The following CNTN6 variants were observed in gnomAD, a reference collection of about 807,000 sequenced individuals.
CNTN6 encodes contactin 6.
A neutral mutation model predicts 122.8 loss-of-function variants in CNTN6; 137 were observed. That is an observed-to-expected ratio of 1.12 (90% CI 0.97 to 1.29). CNTN6 has a LOEUF of 1.29. Ranked by LOEUF, CNTN6 falls within the 50% of genes most tolerant of loss-of-function variation. The probability of loss-of-function intolerance (pLI) is 0.00; values close to 1 mark genes in which losing one functional copy is unlikely to be tolerated. For synonymous variants in CNTN6, 570 were observed against 426.0 expected (o/e 1.34, Z -4.16); for missense variants, 1,634 against 1,223.4 (o/e 1.34, Z -5.01).
rs145444543 is a variant in CNTN6 at position 1,237,037 on chromosome 3, C to T, written c.358+9044C>T. On this transcript the variant is annotated intron_variant, in intron 4 of 22. Transcript: ENST00000446702. ...CAGAGCTTGCAGTGAGCTGTGATCA[C>T]GCCACTGCACTCCAGCCTGGGCAAC... 2.5e-3 allele frequency among the ~76,000 whole-genome samples: 380 copies of T among 151,614 alleles called. 2 individuals are homozygous for T. Among genetic ancestry groups the T allele is most frequent in the African/African-American group, 8.8e-3 (365 of 41,332 alleles).
chr3:1,337,418 T>C (rs970091079), intron 11 of CNTN6, among the ~76,000 whole-genome samples: 5 of 152,118 alleles, frequency 3.3e-5, no homozygotes, highest in African/African-American at 1.2e-4. Context: ...TCAGTCTTAA[T>C]AAAATATCTC....
chr3:1,378,508 C>T (rs923906183), intron 17 of CNTN6, among the ~76,000 whole-genome samples: 3 of 152,054 alleles, frequency 2.0e-5, no homozygotes, highest in African/African-American at 4.8e-5. Flanking sequence ...ACATTATAGG[C>T]CTAGCACAGT....
Position 1,297,926 on chromosome 3 carries a change from T to C in CNTN6, c.696T>C (p.Arg232=). The change falls in exon 7 of 23, where the codon CGT becomes CGC. Residue 232 remains arginine (R), a synonymous_variant. Coordinates refer to ENST00000446702, the MANE Select transcript of CNTN6 (RefSeq NM_001289080.2). ...AATATGAACCAAAGATTGAAGTGCG[T>C]TTTCCTGAAACTATACAAGCTGCAA... is the stretch of plus-strand genomic sequence containing the variant. ...MGEYEPKIEV[R]FPETIQAAKD... 6.2e-7 allele frequency: 1 copy of C among 1,612,914 alleles called. No homozygotes were observed. Among genetic ancestry groups the C allele is most frequent in the Non-Finnish European group, 8.5e-7 (1 of 1,179,598 alleles).
intron 11 of CNTN6, among the ~76,000 whole-genome samples, chr3:1,333,639 T>C (rs771776700): frequency 6.6e-6 from 1 of 152,078 alleles, no homozygotes; most frequent in South Asian, 2.1e-4. Flanking sequence ...AATTTCATTG[T>C]CACTAACTCT....
chr3:1,330,061 C>T (rs955712417), intron 11 of CNTN6, 126 bp downstream of exon 11: 46 of 568,746 alleles, frequency 8.1e-5, no homozygotes, highest in Middle Eastern at 5.0e-4. Context: ...TACCTAGAGA[C>T]GCCAGCATTC....
At chr3:1,399,409 A>G (rs571320762) in intron 20 of CNTN6, among the ~76,000 whole-genome samples, 1 of 152,252 alleles carries the variant, frequency 6.6e-6, no homozygotes, top group East Asian at 1.9e-4. Context: ...ATTATAAATG[A>G]CAAGTACGTT....
Position 1,403,568 on chromosome 3 carries a change from G to A in CNTN6, c.*150G>A. On this transcript the variant is annotated 3_prime_UTR_variant, in exon 23 of 23. Transcript: ENST00000446702. ...TTATTAAAATCCTGTAAATATCTAT[G>A]GTATATTAATAAAACAATTTTAAAC... 6.6e-6 allele frequency: 3 copies of A among 457,350 alleles called. No individual in the cohort carries two copies. The highest frequency in any genetic ancestry group is 2.0e-5 in the African/African-American group (1 of 49,666). The allele number at this position is 457,350 out of a possible 1,614,324, so 28.3% of individuals were successfully genotyped here.
At chr3:1,274,574 A>G (rs1053156499) in intron 4 of CNTN6, among the ~76,000 whole-genome samples, 8 of 152,222 alleles carry the variant, frequency 5.3e-5, no homozygotes, top group African/African-American at 1.9e-4. Flanking sequence ...TATTGAACTC[A>G]TACTTTACAT....
chr3:1,347,554 A>G (rs916839087), intron 11 of CNTN6, among the ~76,000 whole-genome samples: 3 of 152,132 alleles, frequency 2.0e-5, no homozygotes, highest in African/African-American at 7.2e-5. Flanking sequence ...GAGCTTAGTT[A>G]AAGCCACATA....
chr3:1,146,379 T>C (rs1192126383), intron 1 of CNTN6, among the ~76,000 whole-genome samples: 1 of 152,058 alleles, frequency 6.6e-6, no homozygotes, highest in Admixed American at 6.6e-5. Flanking sequence ...CTCTCTTTTG[T>C]TTAGGAAGCT....
intron 4 of CNTN6, among the ~76,000 whole-genome samples, chr3:1,236,581 G>T (rs1249199647): frequency 6.6e-6 from 1 of 152,146 alleles, no homozygotes; most frequent in Non-Finnish European, 1.5e-5. Context: ...ACTCTGAAGA[G>T]CAGCCCTTGA....
At chr3:1,241,825 C>A (rs1158444344) in intron 4 of CNTN6, among the ~76,000 whole-genome samples, 3 of 152,150 alleles carry the variant, frequency 2.0e-5, no homozygotes, top group Non-Finnish European at 4.4e-5. Context: ...TCAACTTGGG[C>A]CTGGAGGACT....
chr3:1,322,465 A>G (rs1700990204), intron 8 of CNTN6, among the ~76,000 whole-genome samples: 1 of 151,760 alleles, frequency 6.6e-6, no homozygotes, highest in Admixed American at 6.6e-5. Flanking sequence ...AATACAATAT[A>G]TCTCAGAATT....
chr3:1,366,338 G>A (rs1391366731), intron 12 of CNTN6, among the ~76,000 whole-genome samples: 3 of 152,072 alleles, frequency 2.0e-5, no homozygotes, highest in African/African-American at 4.8e-5. Context: ...TTTTTAATTT[G>A]TTATAATTCA....
chr3:1,388,247 C>T (rs1440473686), intron 20 of CNTN6, among the ~76,000 whole-genome samples: 1 of 148,824 alleles, frequency 6.7e-6, no homozygotes, highest in Non-Finnish European at 1.5e-5. Context: ...CAAGTGGGTC[C>T]CTGACCCCTG....
chr3:1,169,901 T>G (rs1047236183), intron 2 of CNTN6, among the ~76,000 whole-genome samples: 1 of 152,204 alleles, frequency 6.6e-6, no homozygotes, highest in African/African-American at 2.4e-5. Flanking sequence ...TCAAGTGATA[T>G]GGGTGGCCCA....
chr3:1,156,608 CTTT>C (rs575436858), intron 2 of CNTN6, among the ~76,000 whole-genome samples: 2 of 149,356 alleles, frequency 1.3e-5, no homozygotes, highest in Non-Finnish European at 2.9e-5. Context: ...TTCTTTCTTT[CTTT>C]TTCTTTTCTT....
chr3:1,380,257 C>A (rs1044370473), intron 17 of CNTN6, among the ~76,000 whole-genome samples: 1 of 152,152 alleles, frequency 6.6e-6, no homozygotes, highest in African/African-American at 2.4e-5. Context: ...GATTATCCTT[C>A]ATTTAGGCTC....
At chr3:1,382,803 TG>T (rs1415030319) in intron 17 of CNTN6, 138 bp from the exon 18 acceptor site, 3 of 590,474 alleles carry the variant, frequency 5.1e-6, no homozygotes, top group Non-Finnish European at 8.7e-6. Context: ...CAAATAAAAG[TG>T]TTTTTTAATA....
Sources: gnomAD v4.1 joint callset for allele counts (sites outside exome capture counted in the v4.1 genomes callset) on GRCh38, gnomAD v4.1.1 for gene constraint, MANE v1.5 for transcripts, NCBI Gene and HGNC (gene_info 2026-07-23, HGNC 2026-07-21) for gene names.